Variants in CNTNAP2 observed in about 807,000 individuals in gnomAD.
CNTNAP2 encodes contactin-associated protein-like 2.
In CNTNAP2, 98 loss-of-function variants were observed where a neutral mutation model predicts 155.2. The ratio of observed to expected loss-of-function variants is 0.63; its 90% CI spans 0.54 to 0.75. The LOEUF (loss-of-function observed/expected upper bound fraction) is 0.75, where lower values mean the gene tolerates loss of function less well. CNTNAP2 is among the 30% of genes least tolerant of loss of function. The probability of loss-of-function intolerance (pLI) is 0.00; values close to 1 mark genes in which losing one functional copy is unlikely to be tolerated. For synonymous variants in CNTNAP2, 651 were observed against 631.2 expected, an observed-to-expected ratio of 1.03 and a Z score of -0.47; for missense variants, 1,727 against 1,688.1, an observed-to-expected ratio of 1.02 and a Z score of -0.40.
At chr7:146,961,375 A>C (rs1797556196) in intron 3 of CNTNAP2, among the ~76,000 whole-genome samples, 2 of 152,184 alleles carry the variant, frequency 1.3e-5, no homozygotes, top group South Asian at 4.1e-4. Flanking sequence ...GGGTCTACCT[A>C]TGTGAAGCAA....
chr7:147,634,753 A>G (rs562336669), intron 12 of CNTNAP2, among the ~76,000 whole-genome samples: 2 of 152,346 alleles, frequency 1.3e-5, no homozygotes, highest in South Asian at 4.1e-4. Flanking sequence ...ATATCAATAA[A>G]TAAGTTACAG....
intron 1 of CNTNAP2, among the ~76,000 whole-genome samples, chr7:146,245,554 GTAAGAATTC>G (rs1799633386): frequency 6.6e-6 from 1 of 152,106 alleles, no homozygotes; most frequent in South Asian, 2.1e-4. Flanking sequence ...TGGCTCTTGT[GTAAGAATTC>G]TGACCACACT....
intron 16 of CNTNAP2, among the ~76,000 whole-genome samples, chr7:148,134,068 C>A (rs914715903): frequency 6.6e-6 from 1 of 152,170 alleles, no homozygotes; most frequent in South Asian, 2.1e-4. Context: ...GACCCACCGC[C>A]TATCTGTTAA....
intron 20 of CNTNAP2, among the ~76,000 whole-genome samples, chr7:148,245,402 C>T (rs1329533087): frequency 6.6e-6 from 1 of 152,128 alleles, no homozygotes; most frequent in Non-Finnish European, 1.5e-5. Context: ...ACCTGCAGTT[C>T]GCCTCCAGGA....
chr7:146,896,481 C>G (rs1449132856), intron 3 of CNTNAP2, among the ~76,000 whole-genome samples: 1 of 151,988 alleles, frequency 6.6e-6, no homozygotes, highest in Non-Finnish European at 1.5e-5. Flanking sequence ...ATTATAATAA[C>G]TATTTTTTAA....
intron 3 of CNTNAP2, among the ~76,000 whole-genome samples, chr7:147,008,705 A>G (rs1280946560): frequency 1.3e-5 from 2 of 152,168 alleles, no homozygotes; most frequent in African/African-American, 4.8e-5. Flanking sequence ...ACAAAAGAAA[A>G]GGACTTTGAA....
At chr7:146,282,300 G>A (rs1800264569) in intron 1 of CNTNAP2, among the ~76,000 whole-genome samples, 1 of 152,158 alleles carries the variant, frequency 6.6e-6, no homozygotes, top group African/African-American at 2.4e-5. Flanking sequence ...ATGTTTTAAA[G>A]CTCCAAAGCA....
intron 10 of CNTNAP2, among the ~76,000 whole-genome samples, chr7:147,430,254 A>T (rs1343014262): frequency 3.3e-5 from 5 of 152,202 alleles, no homozygotes; most frequent in Admixed American, 6.5e-5. Context: ...TAGCTAGAAG[A>T]AGTTTCTGCC....
chr7:148,100,876 A>C (rs995545275), intron 15 of CNTNAP2, among the ~76,000 whole-genome samples: 5 of 152,168 alleles, frequency 3.3e-5, no homozygotes, highest in African/African-American at 2.4e-5. Flanking sequence ...ACTTGGAACC[A>C]ACCTAAATGT....
intron 13 of CNTNAP2, among the ~76,000 whole-genome samples, chr7:147,693,761 A>G (rs1042040393): frequency 4.6e-5 from 7 of 152,024 alleles, no homozygotes; most frequent in Non-Finnish European, 1.5e-5. Flanking sequence ...CAGATTTTCT[A>G]CATAGACAAT....
At chr7:147,056,982 T>G (rs1261620899) in intron 4 of CNTNAP2, among the ~76,000 whole-genome samples, 1 of 151,888 alleles carries the variant, frequency 6.6e-6, no homozygotes, top group African/African-American at 2.4e-5. Flanking sequence ...ATTTTTTTTT[T>G]GGTTTGTTTG....
intron 1 of CNTNAP2, among the ~76,000 whole-genome samples, chr7:146,450,028 TCC>T (rs1796455936): frequency 6.6e-6 from 1 of 152,202 alleles, no homozygotes; most frequent in Non-Finnish European, 1.5e-5. Flanking sequence ...CCTCAGTATA[TCC>T]TTACATTATT....
intron 15 of CNTNAP2, among the ~76,000 whole-genome samples, chr7:148,073,656 A>G (rs971202617): frequency 2.0e-5 from 3 of 152,162 alleles, no homozygotes; most frequent in African/African-American, 7.2e-5. Context: ...TTAATATTCT[A>G]TTGTGCCTCA....
chr7:147,409,397 AACTC>A (rs749164568), intron 10 of CNTNAP2, among the ~76,000 whole-genome samples: 9 of 152,240 alleles, frequency 5.9e-5, no homozygotes, highest in Non-Finnish European at 1.2e-4. Context: ...TACAAAAATT[AACTC>A]AAGATAGATT....
At chr7:146,268,335 C>A (rs150569541) in intron 1 of CNTNAP2, among the ~76,000 whole-genome samples, 5 of 152,306 alleles carry the variant, frequency 3.3e-5, no homozygotes, top group Non-Finnish European at 1.5e-5. Context: ...TGACCCTCCA[C>A]GCAGAAATCT....
At chr7:147,960,322 A>G (rs753100718) in intron 14 of CNTNAP2, among the ~76,000 whole-genome samples, 1 of 152,176 alleles carries the variant, frequency 6.6e-6, no homozygotes, top group African/African-American at 2.4e-5. Context: ...TTAGAGTTCT[A>G]TGAGGAAGCT....
chr7:147,088,128 T>TA (rs1224325387), intron 4 of CNTNAP2, among the ~76,000 whole-genome samples: 1 of 152,238 alleles, frequency 6.6e-6, no homozygotes, highest in Non-Finnish European at 1.5e-5. Context: ...CTCAGGACTC[T>TA]AACTTTCATT....
chr7:148,047,046 C>T (rs922087698), intron 15 of CNTNAP2, among the ~76,000 whole-genome samples: 2 of 152,112 alleles, frequency 1.3e-5, no homozygotes, highest in Non-Finnish European at 2.9e-5. Flanking sequence ...CTCCTTGGGC[C>T]CCCACCTCCC....
At chr7:148,243,279 A>T (rs1796193564) in intron 20 of CNTNAP2, among the ~76,000 whole-genome samples, 1 of 152,148 alleles carries the variant, frequency 6.6e-6, no homozygotes, top group South Asian at 2.1e-4. Context: ...TTGTGTGCTT[A>T]ACCCCAACAG....
Sources: gnomAD v4.1 joint callset for allele counts (sites outside exome capture counted in the v4.1 genomes callset) on GRCh38, gnomAD v4.1.1 for gene constraint, MANE v1.5 for transcripts, NCBI Gene and HGNC (gene_info 2026-07-23, HGNC 2026-07-21) for gene names.